The following SPTLC2 variants were observed in gnomAD, a reference collection of about 807,000 sequenced individuals.
The protein encoded by SPTLC2 is serine palmitoyltransferase 2.
SPTLC2 carries 21 observed loss-of-function variants against 62.0 expected under a neutral mutation model. That is an observed-to-expected ratio of 0.34 (90% confidence interval 0.24 to 0.49). The LOEUF (loss-of-function observed/expected upper bound fraction) is 0.49, where lower values mean the gene tolerates loss of function less well. Ranked by LOEUF, SPTLC2 falls within the 20% of genes least tolerant of loss-of-function variation. The pLI, the probability that SPTLC2 is intolerant of heterozygous loss-of-function variation, is 0.99. For synonymous variants in SPTLC2, 261 were observed against 261.8 expected (o/e 1.00, Z 0.03); for missense variants, 511 against 713.0 (o/e 0.72, Z 3.23).
chr14:77,559,652 G>A (rs1357201111), intron 6 of SPTLC2, among the ~76,000 whole-genome samples: 1 of 152,184 alleles, frequency 6.6e-6, no homozygotes, highest in East Asian at 1.9e-4. Context: ...CATTTTGGGA[G>A]GCTGAGACAG....
intron 5 of SPTLC2, 111 bp from the exon 6 acceptor site, chr14:77,562,600 C>T: frequency 3.8e-6 from 3 of 789,834 alleles, no homozygotes; most frequent in Non-Finnish European, 6.4e-6. Flanking sequence ...GGAAATTGTG[C>T]ACAACAGCAC....
rs1318449353 is a variant in SPTLC2 at position 77,616,554 on chromosome 14, C to CA, written c.25dup (p.Cys9LeufsTer48). 1 of 1,536,928 alleles carries CA rather than the reference C, an allele frequency of 6.5e-7. No homozygotes were observed. The highest frequency in any genetic ancestry group is 1.9e-5 in the Admixed American group (1 of 51,314). On this transcript the variant is annotated frameshift_variant, in exon 1 of 12. Coordinates refer to ENST00000216484, the MANE Select transcript of SPTLC2 (RefSeq NM_004863.4). LOFTEE classifies it high-confidence loss of function. The stretch of plus-strand genomic sequence containing the variant: ...ATTCGCCCGCACCGTGCGGCGGCAG[C>CA]AGCAGCCTCCGGGCTCCGGCCGCAT...
At chr14:77,558,673 G>C (rs926680881) in intron 6 of SPTLC2, among the ~76,000 whole-genome samples, 10 of 150,488 alleles carry the variant, frequency 6.6e-5, no homozygotes, top group Admixed American at 2.0e-4. Flanking sequence ...CAAGGCAGGA[G>C]TGCAGTGGCG....
At chr14:77,582,364 C>A (rs1356592359) in intron 2 of SPTLC2, among the ~76,000 whole-genome samples, 2 of 152,066 alleles carry the variant, frequency 1.3e-5, no homozygotes, top group African/African-American at 4.8e-5. Context: ...AATCTCATTT[C>A]TTTATAATCT....
At chr14:77,535,422 A>G (rs967217718) in intron 9 of SPTLC2, among the ~76,000 whole-genome samples, 4 of 152,154 alleles carry the variant, frequency 2.6e-5, no homozygotes, top group Non-Finnish European at 5.9e-5. Context: ...TAAACAGAAG[A>G]TAGATATGAT....
chr14:77,513,879 G>A (rs918466460), intron 11 of SPTLC2, among the ~76,000 whole-genome samples: 3 of 126,450 alleles, frequency 2.4e-5, no homozygotes, highest in Admixed American at 9.4e-5. Flanking sequence ...TGGGCAACAA[G>A]AGCAAAACTC....
chr14:77,588,563 G>A (rs2140048851), intron 2 of SPTLC2, among the ~76,000 whole-genome samples: 1 of 152,000 alleles, frequency 6.6e-6, no homozygotes, highest in Admixed American at 6.6e-5. Context: ...AGTTGTGGTA[G>A]CGTGCGCCTC....
At chr14:77,562,647 GATC>G (rs1233558311) in intron 5 of SPTLC2, among the ~76,000 whole-genome samples, 158 bp from the exon 6 acceptor site, 1 of 152,180 alleles carries the variant, frequency 6.6e-6, no homozygotes, top group Non-Finnish European at 1.5e-5. Context: ...AGGTGTACAC[GATC>G]ATTTGTTTTT....
intron 1 of SPTLC2, among the ~76,000 whole-genome samples, chr14:77,615,966 G>A (rs920544352): frequency 6.6e-6 from 1 of 152,190 alleles, no homozygotes; most frequent in Admixed American, 6.5e-5. Context: ...GGGAGAGGCT[G>A]GGTGTGTTTC....
intron 9 of SPTLC2, among the ~76,000 whole-genome samples, chr14:77,523,813 G>A (rs149655891): frequency 1.8e-4 from 28 of 152,250 alleles, no homozygotes; most frequent in African/African-American, 6.7e-4. Context: ...AGCTTTGAAA[G>A]GATCCTACTG....
intron 2 of SPTLC2, among the ~76,000 whole-genome samples, chr14:77,593,457 TACTA>T: frequency 6.6e-6 from 1 of 152,316 alleles, no homozygotes; most frequent in East Asian, 1.9e-4. Context: ...GTTTCTGAAC[TACTA>T]GCTTCACCTC....
At chr14:77,587,684 G>A (rs1317723095) in intron 2 of SPTLC2, among the ~76,000 whole-genome samples, 2 of 151,684 alleles carry the variant, frequency 1.3e-5, no homozygotes, top group East Asian at 3.9e-4. Context: ...TTGAACCTGG[G>A]AGGTGGAGGT....
chr14:77,596,179 C>T (rs2079846000), intron 2 of SPTLC2, among the ~76,000 whole-genome samples: 2 of 151,928 alleles, frequency 1.3e-5, no homozygotes, highest in African/African-American at 2.4e-5. Context: ...CTACTAAAAA[C>T]ACAAAAAAAA....
At chr14:77,549,238 A>C (rs2079544109) in intron 9 of SPTLC2, among the ~76,000 whole-genome samples, 1 of 151,542 alleles carries the variant, frequency 6.6e-6, no homozygotes, top group Non-Finnish European at 1.5e-5. Context: ...AAAAAAAAAA[A>C]AACCAGCCAC....
At chr14:77,544,039 T>C (rs927658348) in intron 9 of SPTLC2, among the ~76,000 whole-genome samples, 3 of 140,276 alleles carry the variant, frequency 2.1e-5, no homozygotes, top group Non-Finnish European at 4.9e-5. Context: ...CTCTTTTTTA[T>C]TTTCTAGAGA....
chr14:77,560,987 A>G (rs1180027737), intron 6 of SPTLC2, among the ~76,000 whole-genome samples: 6 of 150,574 alleles, frequency 4.0e-5, no homozygotes, highest in Non-Finnish European at 8.9e-5. Context: ...TTACCTATAT[A>G]ACAAACCTGT....
intron 10 of SPTLC2, among the ~76,000 whole-genome samples, chr14:77,519,571 A>G (rs1215580625): frequency 2.0e-5 from 3 of 152,080 alleles, no homozygotes; most frequent in Non-Finnish European, 4.4e-5. Context: ...TACAAAAATT[A>G]GCCAGGTGTG....
chr14:77,535,282 A>G (rs1435244029), intron 9 of SPTLC2, among the ~76,000 whole-genome samples: 1 of 152,222 alleles, frequency 6.6e-6, no homozygotes, highest in African/African-American at 2.4e-5. Context: ...CACCCAGCAT[A>G]TGCAAGAAAT....
chr14:77,601,425 T>C (rs2079876761), intron 1 of SPTLC2, among the ~76,000 whole-genome samples: 1 of 152,180 alleles, frequency 6.6e-6, no homozygotes, highest in Non-Finnish European at 1.5e-5. Flanking sequence ...CTCCACCGCC[T>C]ATCCCAAAAC....
Sources: gnomAD v4.1 joint callset for allele counts (sites outside exome capture counted in the v4.1 genomes callset) on GRCh38, gnomAD v4.1.1 for gene constraint, MANE v1.5 for transcripts, NCBI Gene and HGNC (gene_info 2026-07-23, HGNC 2026-07-21) for gene names.